PCDHGA11: variants seen among roughly 807,000 people sequenced by gnomAD.
PCDHGA11 encodes the protein protocadherin gamma-A11.
Under a neutral mutation model 60.4 loss-of-function variants are expected in PCDHGA11, and 39 were observed. The ratio of observed to expected loss-of-function variants is 0.65; its 90% CI spans 0.50 to 0.84. The LOEUF is 0.84. Ranked by LOEUF, PCDHGA11 falls within the 40% of genes least tolerant of loss-of-function variation. The probability of loss-of-function intolerance (pLI) is 0.00; values close to 1 mark genes in which losing one functional copy is unlikely to be tolerated. For synonymous variants in PCDHGA11, 533 were observed against 510.3 expected (o/e 1.04, Z -0.60); for missense variants, 1,165 against 1,197.7 (o/e 0.97, Z 0.40).
At chr5:141,430,996 G>C in intron 1 of PCDHGA11, 8 of 1,614,024 alleles carry the variant, frequency 5.0e-6, no homozygotes, top group Middle Eastern at 3.3e-4. Context: ...CCCTGAATCC[G>C]CGCAGCGGCA....
chr5:141,427,998 C>A, intron 1 of PCDHGA11: 1 of 1,600,956 alleles, frequency 6.2e-7, no homozygotes, highest in Non-Finnish European at 8.6e-7. Context: ...TGGCTCCGCA[C>A]TCTTCGATAT....
At chr5:141,492,560 G>T (rs2099742000) in intron 1 of PCDHGA11, among the ~76,000 whole-genome samples, 1 of 152,156 alleles carries the variant, frequency 6.6e-6, no homozygotes, top group Non-Finnish European at 1.5e-5. Context: ...CCTGGGGGGC[G>T]GCCTGAGCGA....
chr5:141,481,676 G>T (rs975849679), intron 1 of PCDHGA11, among the ~76,000 whole-genome samples: 1 of 152,028 alleles, frequency 6.6e-6, no homozygotes, highest in Non-Finnish European at 1.5e-5. Flanking sequence ...AAATCAGGCC[G>T]GGCCTGGTGG....
rs759809591 is a variant in PCDHGA11 at position 141,511,048 on chromosome 5, C to T, written c.2683C>T (p.Arg895Cys). The change falls in exon 4 of 4, where the codon CGC becomes TGC. Residue 895 changes from arginine (R) to cysteine (C), a missense_variant. Coordinates refer to ENST00000398587, the MANE Select transcript of PCDHGA11 (RefSeq NM_018914.3). ...QFTLQHVPDY[R>C]QNVYIPGSNA... ...CACCCTGCAGCACGTGCCCGACTAC[C>T]GCCAGAATGTCTACATCCCAGGCAG... 9 of 1,614,224 alleles carry T rather than the reference C, an allele frequency of 5.6e-6. No individual in the cohort carries two copies. The highest frequency in any genetic ancestry group is 1.7e-5 in the Admixed American group (1 of 60,034).
chr5:141,468,282 G>A (rs1368214716), intron 1 of PCDHGA11, among the ~76,000 whole-genome samples: 1 of 140,012 alleles, frequency 7.1e-6, no homozygotes, highest in African/African-American at 2.7e-5. Context: ...CCGAGACCAC[G>A]CCATTGCACC....
intron 1 of PCDHGA11, chr5:141,439,845 T>C (rs983341549): frequency 6.6e-6 from 1 of 152,252 alleles, no homozygotes; most frequent in Non-Finnish European, 1.5e-5. Flanking sequence ...ACTCTAACTG[T>C]GGAAAAGGTG....
At chr5:141,469,079 C>T (rs1169035651) in intron 1 of PCDHGA11, among the ~76,000 whole-genome samples, 1 of 151,492 alleles carries the variant, frequency 6.6e-6, no homozygotes, top group Non-Finnish European at 1.5e-5. Context: ...GAGTTTGAGA[C>T]CATTCTAGGC....
At chr5:141,474,524 C>G (rs1260642402) in intron 1 of PCDHGA11, among the ~76,000 whole-genome samples, 1 of 152,170 alleles carries the variant, frequency 6.6e-6, no homozygotes, top group Non-Finnish European at 1.5e-5. Flanking sequence ...GCTGGTCTGG[C>G]TAATTATCAA....
At chr5:141,461,273 C>A (rs1301916233) in intron 1 of PCDHGA11, among the ~76,000 whole-genome samples, 1 of 152,128 alleles carries the variant, frequency 6.6e-6, no homozygotes, top group Admixed American at 6.6e-5. Flanking sequence ...TAAGTGTTCT[C>A]TTTTCCCCAC....
rs1248983040 is a variant in PCDHGA11, at chr5:141,476,937, G to T, written c.2434-17870G>T. 3.1e-6 allele frequency: 5 copies of T among 1,614,186 alleles called. No homozygotes were observed. Among genetic ancestry groups the T allele is most frequent in the Non-Finnish European group, 4.2e-6 (5 of 1,180,050 alleles). The stretch of plus-strand genomic sequence containing the variant: ...GTCCTTGCAACGGATCTGGATGAAG[G>T]CCCCAACGGTGAAATTATTTACTCC... On this transcript the variant is annotated intron_variant, in intron 1 of 3. Coordinates refer to ENST00000398587, the MANE Select transcript of PCDHGA11 (RefSeq NM_018914.3). This position sits in a 1 kb window ranked among gnomAD's most constrained non-coding sequence, Gnocchi z 7.6.
rs1561852927 is a variant in PCDHGA11, at chr5:141,431,472, A to G, written c.2433+7812A>G. On this transcript the variant is annotated intron_variant, in intron 1 of 3. Coordinates refer to ENST00000398587, the MANE Select transcript of PCDHGA11 (RefSeq NM_018914.3). The surrounding 1 kb of genome is among the most constrained non-coding windows in gnomAD (Gnocchi z 4.8). The stretch of plus-strand genomic sequence containing the variant: ...GTGATGGTTCTGGATGCGAACGACA[A>G]CGCACCAGCGTTTGCTCAGCCCGAG... 6.2e-7 allele frequency: 1 copy of G among 1,613,784 alleles called. No individual in the cohort carries two copies. The highest frequency in any genetic ancestry group is 8.5e-7 in the Non-Finnish European group (1 of 1,179,948).
At chr5:141,452,751 A>C (rs1592230802) in intron 1 of PCDHGA11, among the ~76,000 whole-genome samples, 1 of 152,094 alleles carries the variant, frequency 6.6e-6, no homozygotes, top group South Asian at 2.1e-4. Context: ...AGAAGGAAGA[A>C]GGAAGGGAGG....
rs746318177 is a variant in PCDHGA11 at position 141,431,715 on chromosome 5, T to G, written c.2433+8055T>G. On this transcript the variant is annotated intron_variant, in intron 1 of 3. Coordinates refer to ENST00000398587, the MANE Select transcript of PCDHGA11 (RefSeq NM_018914.3). The surrounding 1 kb of genome is among the most constrained non-coding windows in gnomAD (Gnocchi z 4.8). Reference sequence around the variant, plus strand: ...GAGTCAGGATTCTACCAGATGGAAGTGCAAGCAATGGATAATGCAGGATAT... The same window carrying G: ...GAGTCAGGATTCTACCAGATGGAAGGGCAAGCAATGGATAATGCAGGATAT... 5.6e-6 allele frequency: 9 copies of G among 1,614,178 alleles called. No homozygotes were observed. The highest frequency in any genetic ancestry group is 6.8e-6 in the Non-Finnish European group (8 of 1,180,042).
At chr5:141,468,748 C>T (rs2099176836) in intron 1 of PCDHGA11, among the ~76,000 whole-genome samples, 1 of 151,866 alleles carries the variant, frequency 6.6e-6, no homozygotes, top group South Asian at 2.1e-4. Context: ...TGCCTGTAGT[C>T]CCAGCTACTC....
chr5:141,475,761 T>C (rs1430719406), intron 1 of PCDHGA11, among the ~76,000 whole-genome samples: 3 of 152,248 alleles, frequency 2.0e-5, no homozygotes, highest in Admixed American at 6.5e-5. Flanking sequence ...GCACCGATAC[T>C]GGCAAGGCGC....
chr5:141,465,979 G>A (rs779605313), intron 1 of PCDHGA11, among the ~76,000 whole-genome samples: 9 of 151,846 alleles, frequency 5.9e-5, no homozygotes, highest in Non-Finnish European at 1.3e-4. Flanking sequence ...AAAATTAGCC[G>A]GGCATGGTGG....
rs2099695710 is a variant in PCDHGA11, at chr5:141,490,068, A to G, written c.2434-4739A>G. On this transcript the variant is annotated intron_variant, in intron 1 of 3. Coordinates refer to ENST00000398587, the MANE Select transcript of PCDHGA11 (RefSeq NM_018914.3). This position sits in a 1 kb window ranked among gnomAD's most constrained non-coding sequence, Gnocchi z 5.4. ...ATCCAGACGAGGGCACCAACGGCCA[A>G]CTAGACTATTCTTTTGGAGACCACA... is the stretch of plus-strand genomic sequence containing the variant. 2 of 1,614,152 alleles carry G rather than the reference A, an allele frequency of 1.2e-6. No homozygotes were observed. The highest frequency in any genetic ancestry group is 1.6e-4 in the Middle Eastern group (1 of 6,084).
In PCDHGA11 at chr5:141,421,483, A is replaced by C; in HGVS notation, c.256A>C (p.Ile86Leu). Residue 86 changes from isoleucine (I) to leucine (L), a missense_variant, in exon 1 of 4, where the codon ATC becomes CTC. Physicochemically the swap from Ile to Leu is conservative, Grantham distance 5. Coordinates refer to ENST00000398587, the MANE Select transcript of PCDHGA11 (RefSeq NM_018914.3). ...TGTGAATCCGCGAAGCGGCAGCTTG[A>C]TCACGGCAGGCAGGATAGACCGGGA... is the stretch of plus-strand genomic sequence containing the variant. Reference protein sequence around the residue: ...FAVNPRSGSLITAGRIDREEL... With the variant: ...FAVNPRSGSLLTAGRIDREEL... 4 of 1,614,128 alleles carry C rather than the reference A, an allele frequency of 2.5e-6. No individual in the cohort carries two copies. Among genetic ancestry groups the C allele is most frequent in the Non-Finnish European group, 3.4e-6 (4 of 1,179,952 alleles).
Position 141,421,913 on chromosome 5 carries a change from T to C in PCDHGA11, c.686T>C (p.Ile229Thr). The C allele has an allele frequency of 6.2e-7, 1 of 1,613,710 alleles. No homozygotes were observed. The highest frequency in any genetic ancestry group is 8.5e-7 in the Non-Finnish European group (1 of 1,179,858). The change falls in exon 1 of 4, where the codon ATT (isoleucine) becomes ACT (threonine). Residue 229 changes from isoleucine (I) to threonine (T), a missense_variant. Coordinates refer to ENST00000398587, the MANE Select transcript of PCDHGA11 (RefSeq NM_018914.3). The part of the protein sequence containing the change: ...GDPIRKGAVP[I>T]RVVVLDVNDH... Reference sequence around the variant, plus strand: ...CCCATCCGAAAGGGCGCAGTTCCCATTCGTGTGGTGGTCCTCGATGTAAAT... The same window carrying C: ...CCCATCCGAAAGGGCGCAGTTCCCACTCGTGTGGTGGTCCTCGATGTAAAT...
Sources: gnomAD v4.1 joint callset for allele counts (sites outside exome capture counted in the v4.1 genomes callset) on GRCh38, gnomAD v4.1.1 for gene constraint, Gnocchi (gnomAD v3.1) non-coding constraint, MANE v1.5 for transcripts, NCBI Gene and HGNC (gene_info 2026-07-23, HGNC 2026-07-21) for gene names.